Variants in AK9 observed in about 807,000 individuals in gnomAD.
AK9 encodes the protein adenylate kinase 9.
AK9 carries 191 observed loss-of-function variants against 239.6 expected under a neutral mutation model. The ratio of observed to expected loss-of-function variants is 0.80; its 90% CI spans 0.71 to 0.90. The LOEUF (loss-of-function observed/expected upper bound fraction) is 0.90, where lower values mean the gene tolerates loss of function less well. Ranked by LOEUF, AK9 falls within the 40% of genes least tolerant of loss-of-function variation. The pLI, the probability that AK9 is intolerant of heterozygous loss-of-function variation, is 0.00. For synonymous variants in AK9, 689 were observed against 721.0 expected, an observed-to-expected ratio of 0.96 and a Z score of 0.71; for missense variants, 1,995 against 2,214.7, an observed-to-expected ratio of 0.90 and a Z score of 1.99.
intron 38 of AK9, 41 bp from the exon 39 acceptor site, chr6:109,495,481 A>G (rs755273363): frequency 6.9e-7 from 1 of 1,452,696 alleles, no homozygotes; most frequent in Non-Finnish European, 9.6e-7. Context: ...TCACAGTTAT[A>G]CTCAGTGTGT....
At chr6:109,571,047 C>T (rs1392211860) in intron 21 of AK9, among the ~76,000 whole-genome samples, 1 of 152,084 alleles carries the variant, frequency 6.6e-6, no homozygotes, top group Non-Finnish European at 1.5e-5. Flanking sequence ...ATTTAATAGC[C>T]TCTAAGTTGT....
chr6:109,641,590 C>G lies in AK9; in HGVS notation c.861G>C (p.Leu287=). Residue 287 remains leucine, a synonymous_variant, in exon 10 of 41, where the codon CTG becomes CTC. Coordinates refer to ENST00000424296, the MANE Select transcript of AK9 (RefSeq NM_001145128.3). ...TTAGAATAGCTGCTCTTTTTAGGTT[C>G]AGATATTTAAGTCGATCCATAACAA... ...FMIVMDRLKY[L]NLKRAAILTK... is the part of the protein sequence containing the mutation. The G allele has an allele frequency of 6.2e-7, 1 of 1,613,300 alleles. No individual in the cohort carries two copies. The highest frequency in any genetic ancestry group is 8.5e-7 in the Non-Finnish European group (1 of 1,179,374).
chr6:109,680,951 C>T (rs1235475318), intron 1 of AK9, among the ~76,000 whole-genome samples: 16 of 152,094 alleles, frequency 1.1e-4, no homozygotes, highest in Admixed American at 1.0e-3. Flanking sequence ...GAAGGAGGCA[C>T]TAAACGTGGA....
chr6:109,574,710 A>T (rs771079857), intron 20 of AK9, among the ~76,000 whole-genome samples: 24 of 152,010 alleles, frequency 1.6e-4, no homozygotes, highest in Non-Finnish European at 3.1e-4. Flanking sequence ...TTATCTTTTT[A>T]AAATTTTTTT....
chr6:109,682,593 A>T (rs148457798), intron 1 of AK9, among the ~76,000 whole-genome samples: 1 of 152,142 alleles, frequency 6.6e-6, no homozygotes, highest in Admixed American at 6.5e-5. Context: ...CAGAAATACA[A>T]ACTACCATCA....
chr6:109,537,214 G>T (rs1450192450), intron 27 of AK9, among the ~76,000 whole-genome samples: 3 of 152,018 alleles, frequency 2.0e-5, no homozygotes, highest in African/African-American at 4.8e-5. Flanking sequence ...GTAGAATTTG[G>T]CTGTGAATCC....
At position 109,506,109 on chromosome 6, in the gene AK9, CG is replaced by C. The variant is rs1399479523; in HGVS notation, c.4849+217del. Among the ~76,000 whole-genome samples, 3 of 152,144 alleles carry C rather than the reference CG, an allele frequency of 2.0e-5. No homozygotes were observed. The East Asian group carries it at 5.8e-4, about 29-fold the overall frequency. On this transcript the variant is annotated intron_variant, in intron 35 of 40. Coordinates refer to ENST00000424296, the MANE Select transcript of AK9 (RefSeq NM_001145128.3). ...TCTTAATACTATTACACTGGGGATT[CG>C]GTTTCAGCATATGAATTTTGGGTGA... is the stretch of plus-strand genomic sequence containing the variant.
intron 28 of AK9, among the ~76,000 whole-genome samples, chr6:109,530,496 T>A (rs1781084410): frequency 6.6e-6 from 1 of 152,228 alleles, no homozygotes; most frequent in African/African-American, 2.4e-5. Flanking sequence ...AATGTGGAGT[T>A]GTGAAAACAT....
At chr6:109,579,198 G>A (rs573451267) in intron 20 of AK9, 9 of 173,496 alleles carry the variant, frequency 5.2e-5, no homozygotes, top group South Asian at 1.9e-4. Flanking sequence ...TGGTTCTAAC[G>A]AAGTAATTCC....
At chr6:109,565,938 G>A (rs1158059096) in intron 21 of AK9, among the ~76,000 whole-genome samples, 1 of 152,120 alleles carries the variant, frequency 6.6e-6, no homozygotes, top group Non-Finnish European at 1.5e-5. Context: ...GCCTGGGACT[G>A]GCCTGGTGGT....
chr6:109,678,681 G>C (rs1772124694), intron 1 of AK9, among the ~76,000 whole-genome samples: 1 of 151,854 alleles, frequency 6.6e-6, no homozygotes, highest in South Asian at 2.1e-4. Flanking sequence ...AGCTGAATAG[G>C]AACAGCTCTG....
chr6:109,567,626 C>A (rs1388425273), intron 21 of AK9, among the ~76,000 whole-genome samples: 1 of 150,626 alleles, frequency 6.6e-6, no homozygotes, highest in Non-Finnish European at 1.5e-5. Flanking sequence ...AGCAAAATAT[C>A]GCAAGGACAG....
At chr6:109,563,307 C>T (rs192086991) in intron 24 of AK9, among the ~76,000 whole-genome samples, 16 of 152,228 alleles carry the variant, frequency 1.1e-4, no homozygotes. Flanking sequence ...TGCAAGCAGC[C>T]TCTTTTACTT....
rs977523799 is a variant in AK9, at chr6:109,673,954, C to G, written c.181+244G>C. Among the ~76,000 whole-genome samples, 5 of 141,786 alleles carry G rather than the reference C, an allele frequency of 3.5e-5. No homozygotes were observed. The South Asian group carries it at 1.1e-3, about 31-fold the overall frequency. The allele number at this position is 141,786 out of a possible 152,430, so 93.0% of individuals were successfully genotyped here. On this transcript the variant is annotated intron_variant, in intron 3 of 40. Coordinates refer to ENST00000424296, the MANE Select transcript of AK9 (RefSeq NM_001145128.3). Reference sequence around the variant, plus strand: ...TTTGAAACCAGCCTGGGCAACAAAGCAAGACCATGTCTCTACAAAAAAAAA... The same window carrying G: ...TTTGAAACCAGCCTGGGCAACAAAGGAAGACCATGTCTCTACAAAAAAAAA...
chr6:109,649,244 C>A (rs998113638), intron 8 of AK9, among the ~76,000 whole-genome samples: 1 of 151,730 alleles, frequency 6.6e-6, no homozygotes, highest in South Asian at 2.1e-4. Flanking sequence ...CTGGCCAGGG[C>A]AATCAGGCAG....
At chr6:109,528,697 A>C (rs1463738829) in intron 29 of AK9, 5 of 482,896 alleles carry the variant, frequency 1.0e-5, no homozygotes, top group Non-Finnish European at 1.6e-5. Context: ...ATGTGGTTGC[A>C]CTTGTAGCAA....
At chr6:109,596,986 C>G (rs1011867133) in intron 17 of AK9, among the ~76,000 whole-genome samples, 1 of 151,974 alleles carries the variant, frequency 6.6e-6, no homozygotes, top group Non-Finnish European at 1.5e-5. Flanking sequence ...TTTAATCACC[C>G]CTTACTGTTA....
At position 109,659,377 on chromosome 6, in the gene AK9, G is replaced by C. The variant is rs1261178682; in HGVS notation, c.481C>G (p.Gln161Glu). The C allele has an allele frequency of 1.2e-6, 2 of 1,610,702 alleles. No individual in the cohort carries two copies. The highest frequency in any genetic ancestry group is 2.2e-5 in the South Asian group (2 of 90,350). Residue 161 changes from glutamine (Q) to glutamate (E), a missense_variant, in exon 7 of 41, where the codon CAA becomes GAA. Coordinates refer to ENST00000424296, the MANE Select transcript of AK9 (RefSeq NM_001145128.3). The stretch of plus-strand genomic sequence containing the variant: ...TATCCCGTATTATTGTGCTGTCTTT[G>C]CCCAGAAATTCTCTGGCACAAATCA... ...DYDLCQRISG[Q>E]RQHNNTGYIY...
rs538088528 is a variant in AK9, at chr6:109,613,149, T to C, written c.1609+1034A>G. On this transcript the variant is annotated intron_variant, in intron 15 of 40. Transcript: ENST00000424296. ...GATTGAGAGAAAGACTTTTTAAGCC[T>C]AAAAGTGAAGGAAGAAAGCAACAAA... Among the ~76,000 whole-genome samples, 3 of 151,312 alleles carry C rather than the reference T, an allele frequency of 2.0e-5. No individual in the cohort carries two copies. In the East Asian group the frequency reaches 5.8e-4, roughly 29 times the overall value.
Sources: gnomAD v4.1 joint callset for allele counts (sites outside exome capture counted in the v4.1 genomes callset) on GRCh38, gnomAD v4.1.1 for gene constraint, MANE v1.5 for transcripts, NCBI Gene and HGNC (gene_info 2026-07-23, HGNC 2026-07-21) for gene names.